OR2A12: variants seen among roughly 807,000 people sequenced by gnomAD.
OR2A12 encodes the protein olfactory receptor 2A12.
For synonymous variants in OR2A12, 153 were observed against 149.3 expected (o/e 1.02, Z -0.18); for missense variants, 380 against 372.5 (o/e 1.02, Z -0.17).
At position 144,095,943 on chromosome 7, in the gene OR2A12, T is replaced by C. The variant is rs2051261705; in HGVS notation, c.836T>C (p.Leu279Pro). Residue 279 changes from leucine to proline, a missense_variant, in exon 2 of 2, where the codon CTT (leucine) becomes CCT (proline). Leu to Pro is a moderately conservative substitution (Grantham distance 98). Coordinates refer to ENST00000641592, the MANE Select transcript of OR2A12 (RefSeq NM_001004135.2). ...RRKILSLFYS[L>P]FNPILNPLIY... ...AAGATCCTTTCCCTGTTTTACAGCC[T>C]TTTCAACCCGATCCTGAACCCCCTC... 6.2e-7 allele frequency: 1 copy of C among 1,613,916 alleles called. No homozygotes were observed. Among genetic ancestry groups the C allele is most frequent in the Non-Finnish European group, 8.5e-7 (1 of 1,179,998 alleles).
At chr7:144,089,896 A>G (rs1313268973) in intron 1 of OR2A12, among the ~76,000 whole-genome samples, 2 of 152,146 alleles carry the variant, frequency 1.3e-5, no homozygotes, top group Non-Finnish European at 1.5e-5. Context: ...ATTTGAAATT[A>G]TGTGTAAATA....
In OR2A12 at chr7:144,096,831, T is replaced by C. The variant is rs779764548; in HGVS notation, c.*791T>C. 2.0e-5 allele frequency: 3 copies of C among 152,150 alleles called. No homozygotes were observed. Among genetic ancestry groups the C allele is most frequent in the Non-Finnish European group, 2.9e-5 (2 of 68,026 alleles). 9.4% of individuals were successfully genotyped at this position (152,150 alleles called of 1,614,324 possible). A position where few individuals can be genotyped will look rare whatever the true frequency, so the allele number is the denominator to read the frequency against. On this transcript the variant is annotated 3_prime_UTR_variant, in exon 2 of 2. Transcript: ENST00000641592. ...ATAAGCTAATATCGCAGTAAGACTTTCTAAACAGAATCTACCAAAAACAAA... is the reference window on the plus strand; with the variant it reads ...ATAAGCTAATATCGCAGTAAGACTTCCTAAACAGAATCTACCAAAAACAAA...
intron 1 of OR2A12, among the ~76,000 whole-genome samples, chr7:144,090,333 A>G (rs181819557): frequency 1.3e-5 from 2 of 151,990 alleles, no homozygotes; most frequent in Admixed American, 6.5e-5. Context: ...AAAAGGCACT[A>G]TAATGAACCA....
Position 144,098,888 on chromosome 7 carries a change from C to G in OR2A12, c.*2848C>G, listed in dbSNP as rs2051284405. The G allele has an allele frequency of 6.6e-6, 1 of 152,008 alleles. No individual in the cohort carries two copies. The highest frequency in any genetic ancestry group is 1.5e-5 in the Non-Finnish European group (1 of 67,956). The allele number at this position is 152,008 out of a possible 1,614,324, so 9.4% of individuals were successfully genotyped here. ...ATCAGGATCATTGAAGGAGGACTTT[C>G]TTTCTCTCTTTCTTCCTTTCTTTCT... On this transcript the variant is annotated 3_prime_UTR_variant, in exon 2 of 2. Transcript: ENST00000641592.
At chr7:144,093,499 T>G (rs1305040366) in intron 1 of OR2A12, among the ~76,000 whole-genome samples, 1 of 152,108 alleles carries the variant, frequency 6.6e-6, no homozygotes, top group Non-Finnish European at 1.5e-5. Flanking sequence ...TTTTAATACT[T>G]TAAGTTTTAG....
At position 144,096,646 on chromosome 7, in the gene OR2A12, T is replaced by C. The variant is rs2051266935; in HGVS notation, c.*606T>C. On this transcript the variant is annotated 3_prime_UTR_variant, in exon 2 of 2. Coordinates refer to ENST00000641592, the MANE Select transcript of OR2A12 (RefSeq NM_001004135.2). ...CCATCAGAATGAAGTAAGGATGTAT[T>C]ATAATGAAACTATGTATACCCTTAA... 6.6e-6 allele frequency: 1 copy of C among 152,196 alleles called. No individual in the cohort carries two copies. Among genetic ancestry groups the C allele is most frequent in the Non-Finnish European group, 1.5e-5 (1 of 68,084 alleles). The allele number at this position is 152,196 out of a possible 1,614,324, so 9.4% of individuals were successfully genotyped here.
At chr7:144,088,900 G>A (rs573819458) in intron 1 of OR2A12, among the ~76,000 whole-genome samples, 5 of 151,690 alleles carry the variant, frequency 3.3e-5, no homozygotes, top group East Asian at 1.9e-4. Context: ...CTTCTTCTTC[G>A]AAGAACACCA....
In OR2A12 at chr7:144,095,459, T is replaced by G. The variant is rs2051255854; in HGVS notation, c.352T>G (p.Cys118Gly). ...AGAGTGTCTGATTTTGGTGATGATG[T>G]GCTATGATCGGTATGTGGCAATCTG... ...ITECLILVMM[C>G]YDRYVAICHP... Residue 118 changes from cysteine (C) to glycine (G), a missense_variant, in exon 2 of 2, where the codon TGC becomes GGC. Cys to Gly is a radical substitution (Grantham distance 159, BLOSUM62 -3). Transcript: ENST00000641592. 6.2e-7 allele frequency: 1 copy of G among 1,613,838 alleles called. No individual in the cohort carries two copies. Among genetic ancestry groups the G allele is most frequent in the Admixed American group, 1.7e-5 (1 of 60,000 alleles).
At position 144,095,856 on chromosome 7, in the gene OR2A12, T is replaced by A. The variant is rs750595812; in HGVS notation, c.749T>A (p.Phe250Tyr). The change falls in exon 2 of 2, where the codon TTC (phenylalanine) becomes TAC (tyrosine). Residue 250 changes from phenylalanine to tyrosine, a missense_variant. Coordinates refer to ENST00000641592, the MANE Select transcript of OR2A12 (RefSeq NM_001004135.2). ...CSSHLCVVGL[F>Y]FGSAIVMYMA... is the part of the protein sequence containing the mutation. Reference sequence around the variant, plus strand: ...TCCCACCTCTGCGTGGTGGGGCTTTTCTTTGGCAGCGCCATTGTCATGTAC... The same window carrying A: ...TCCCACCTCTGCGTGGTGGGGCTTTACTTTGGCAGCGCCATTGTCATGTAC... 6.2e-7 allele frequency: 1 copy of A among 1,614,150 alleles called. No homozygotes were observed. The highest frequency in any genetic ancestry group is 2.2e-5 in the East Asian group (1 of 44,860).
At position 144,096,894 on chromosome 7, in the gene OR2A12, T is replaced by C. The variant is rs1311225207; in HGVS notation, c.*854T>C. The C allele has an allele frequency of 1.3e-5, 2 of 152,116 alleles. No homozygotes were observed. The highest frequency in any genetic ancestry group is 1.3e-4 in the Admixed American group (2 of 15,276). The allele number at this position is 152,116 out of a possible 1,614,324, so 9.4% of individuals were successfully genotyped here. A position where few individuals can be genotyped will look rare whatever the true frequency, so the allele number is the denominator to read the frequency against. ...ACAAAGCAGACGTCATGGTTAATGG[T>C]GAAATGTTAGCATCTGTCCTTTTCG... On this transcript the variant is annotated 3_prime_UTR_variant, in exon 2 of 2. Coordinates refer to ENST00000641592, the MANE Select transcript of OR2A12 (RefSeq NM_001004135.2).
In OR2A12 at chr7:144,095,293, G is replaced by C; in HGVS notation, c.186G>C (p.Leu62=). The C allele has an allele frequency of 6.2e-7, 1 of 1,614,060 alleles. No homozygotes were observed. The highest frequency in any genetic ancestry group is 8.5e-7 in the Non-Finnish European group (1 of 1,179,976). Residue 62 remains leucine, a synonymous_variant, in exon 2 of 2, where the codon CTG becomes CTC. Coordinates refer to ENST00000641592, the MANE Select transcript of OR2A12 (RefSeq NM_001004135.2). ...TGCACACACCCATGTATGTCTTCCTGTCACACCTGGCCATTGTGGACATGT... is the reference window on the plus strand; with the variant it reads ...TGCACACACCCATGTATGTCTTCCTCTCACACCTGGCCATTGTGGACATGT... ...SRLHTPMYVF[L]SHLAIVDMSY...
chr7:144,093,300 A>T, intron 1 of OR2A12, among the ~76,000 whole-genome samples: 1 of 151,984 alleles, frequency 6.6e-6, no homozygotes, highest in East Asian at 1.9e-4. Context: ...ATCACATCTA[A>T]ATTTAGCCTC....
intron 1 of OR2A12, among the ~76,000 whole-genome samples, chr7:144,090,331 C>A (rs2051218947): frequency 6.6e-6 from 1 of 151,290 alleles, no homozygotes; most frequent in Non-Finnish European, 1.5e-5. Context: ...CAAAAAGGCA[C>A]TATAATGAAC....
chr7:144,092,605 A>G (rs2051234131), intron 1 of OR2A12, among the ~76,000 whole-genome samples: 1 of 152,078 alleles, frequency 6.6e-6, no homozygotes, highest in South Asian at 2.1e-4. Context: ...GCAATTGTGA[A>G]TGGGACTGCA....
rs1237498901 is a variant in OR2A12 at position 144,097,155 on chromosome 7, G to T, written c.*1115G>T. ...TGTAGGAAATTCAAAAGAATTATAA[G>T]AAATTTTAAAGTAGCTTGATACAAA... On this transcript the variant is annotated 3_prime_UTR_variant, in exon 2 of 2. Coordinates refer to ENST00000641592, the MANE Select transcript of OR2A12 (RefSeq NM_001004135.2). 1.3e-5 allele frequency: 2 copies of T among 151,766 alleles called. No homozygotes were observed. The highest frequency in any genetic ancestry group is 2.9e-5 in the Non-Finnish European group (2 of 67,944). 9.4% of individuals were successfully genotyped at this position (151,766 alleles called of 1,614,324 possible). A position where few individuals can be genotyped will look rare whatever the true frequency, so the allele number is the denominator to read the frequency against.
At position 144,095,172 on chromosome 7, in the gene OR2A12, T is replaced by C. The variant is rs1343438307; in HGVS notation, c.65T>C (p.Leu22Pro). 6.2e-7 allele frequency: 1 copy of C among 1,613,990 alleles called. No individual in the cohort carries two copies. The highest frequency in any genetic ancestry group is 8.5e-7 in the Non-Finnish European group (1 of 1,179,968). ...ILLGFQVDPA[L>P]ELFLFGFFLL... Reference sequence around the variant, plus strand: ...TTGGGATTCCAGGTGGACCCAGCTCTGGAGTTGTTCCTCTTTGGGTTTTTC... The same window carrying C: ...TTGGGATTCCAGGTGGACCCAGCTCCGGAGTTGTTCCTCTTTGGGTTTTTC... The change falls in exon 2 of 2, where the codon CTG becomes CCG. Residue 22 changes from leucine to proline, a missense_variant. Transcript: ENST00000641592.
chr7:144,096,684 A>G lies in OR2A12; in HGVS notation c.*644A>G, dbSNP rs533081513. The G allele has an allele frequency of 3.7e-4, 56 of 152,310 alleles. No homozygotes were observed. Among genetic ancestry groups the G allele is most frequent in the African/African-American group, 1.3e-3 (55 of 41,548 alleles). The allele number at this position is 152,310 out of a possible 1,614,324, so 9.4% of individuals were successfully genotyped here. A position where few individuals can be genotyped will look rare whatever the true frequency, so the allele number is the denominator to read the frequency against. ...TGTATACCCTTAAAATGCAGCAATA[A>G]TTTAACATTAAAACAAACAACAAAA... On this transcript the variant is annotated 3_prime_UTR_variant, in exon 2 of 2. Transcript: ENST00000641592.
Position 144,096,506 on chromosome 7 carries a change from T to C in OR2A12, c.*466T>C, listed in dbSNP as rs2051266185. ...AGAGAGAGAAACTAATTACTTTTAC[T>C]ATTTAAGGCATTGATACCAAACCTG... On this transcript the variant is annotated 3_prime_UTR_variant, in exon 2 of 2. Coordinates refer to ENST00000641592, the MANE Select transcript of OR2A12 (RefSeq NM_001004135.2). The C allele has an allele frequency of 6.6e-6, 1 of 151,318 alleles. No individual in the cohort carries two copies. The highest frequency in any genetic ancestry group is 2.5e-5 in the African/African-American group (1 of 40,080). The allele number at this position is 151,318 out of a possible 1,614,324, so 9.4% of individuals were successfully genotyped here.
chr7:144,091,351 A>T (rs1461645218), intron 1 of OR2A12, among the ~76,000 whole-genome samples: 1 of 152,248 alleles, frequency 6.6e-6, no homozygotes, highest in Non-Finnish European at 1.5e-5. Flanking sequence ...AAATTGTGCC[A>T]TTGCACTCCA....
Sources: allele counts gnomAD v4.1 joint callset (sites outside exome capture counted in the v4.1 genomes callset), GRCh38; gene constraint gnomAD v4.1.1; transcripts MANE v1.5; gene names NCBI Gene and HGNC (gene_info 2026-07-23, HGNC 2026-07-21).